Variants in SYN3 observed in about 807,000 individuals in gnomAD.
SYN3 encodes synapsin III.
Under a neutral mutation model 65.8 loss-of-function variants are expected in SYN3, and 35 were observed. The observed-to-expected ratio is 0.53, with a 90% confidence interval of 0.41 to 0.70. SYN3 has a LOEUF of 0.70. Among genes scored for constraint, SYN3 ranks in the 30% least tolerant of loss-of-function variants. The pLI is 0.00. For synonymous variants in SYN3, 270 were observed against 292.9 expected, an observed-to-expected ratio of 0.92 and a Z score of 0.80; for missense variants, 680 against 749.0, an observed-to-expected ratio of 0.91 and a Z score of 1.08.
intron 6 of SYN3, among the ~76,000 whole-genome samples, chr22:32,701,569 G>A (rs1253651014): frequency 1.3e-5 from 2 of 152,162 alleles, no homozygotes; most frequent in African/African-American, 4.8e-5. Context: ...TGAAGCTGAT[G>A]AAGAAAGAGG....
Position 32,980,807 on chromosome 22 carries a change from C to T in SYN3, c.312-105G>A, listed in dbSNP as rs1390610922. On this transcript the variant is annotated intron_variant, in intron 2 of 13. Coordinates refer to ENST00000358763, the MANE Select transcript of SYN3 (RefSeq NM_003490.4). ...AGAGGTGCATATTGAGACACATCCTCAGCCATCCTACTGTCTCCTCCCACC... is the reference window on the plus strand; with the variant it reads ...AGAGGTGCATATTGAGACACATCCTTAGCCATCCTACTGTCTCCTCCCACC... The T allele has an allele frequency of 1.3e-5, 12 of 946,682 alleles. 1 individual carries two copies. The highest frequency in any genetic ancestry group is 4.3e-4 in the Middle Eastern group (2 of 4,664). The allele number at this position is 946,682 out of a possible 1,614,324, so 58.6% of individuals were successfully genotyped here. A position where few individuals can be genotyped will look rare whatever the true frequency, so the allele number is the denominator to read the frequency against.
rs73885111 is a variant in SYN3, at chr22:32,819,704, G to A, written c.711+45211C>T. 3.0e-3 allele frequency among the ~76,000 whole-genome samples: 453 copies of A among 152,240 alleles called. 1 individual carries two copies. Among genetic ancestry groups the A allele is most frequent in the African/African-American group, 0.011 (445 of 41,540 alleles). On this transcript the variant is annotated intron_variant, in intron 6 of 13. Transcript: ENST00000358763. The stretch of plus-strand genomic sequence containing the variant: ...CTGGAGTAAGCACACTCTAGGGGCC[G>A]CGTCTCCCAGCATATCTTTTGTTTT...
chr22:32,837,310 C>T lies in SYN3; in HGVS notation c.711+27605G>A, dbSNP rs1388648109. On this transcript the variant is annotated intron_variant, in intron 6 of 13. Transcript: ENST00000358763. The surrounding 1 kb of genome is among the most constrained non-coding windows in gnomAD (Gnocchi z 4.1). ...GGGCCCCCGTGGAGAGGCTGGAGCACTCTCAGGGGATAGGGGGTGGTCTCA... is the reference window on the plus strand; with the variant it reads ...GGGCCCCCGTGGAGAGGCTGGAGCATTCTCAGGGGATAGGGGGTGGTCTCA... 6.6e-6 allele frequency among the ~76,000 whole-genome samples: 1 copy of T among 152,178 alleles called. No individual in the cohort carries two copies. Among genetic ancestry groups the T allele is most frequent in the Non-Finnish European group, 1.5e-5 (1 of 68,028 alleles).
chr22:32,917,636 T>G (rs1399261145), intron 4 of SYN3, among the ~76,000 whole-genome samples: 1 of 152,192 alleles, frequency 6.6e-6, no homozygotes, highest in Non-Finnish European at 1.5e-5. Context: ...CATGGGAAAG[T>G]GCACAGGGTC....
chr22:32,789,315 C>T (rs1472025686), intron 6 of SYN3, among the ~76,000 whole-genome samples: 1 of 152,180 alleles, frequency 6.6e-6, no homozygotes, highest in Non-Finnish European at 1.5e-5. Flanking sequence ...GATGTGACAT[C>T]AAGGTCTTTT....
intron 4 of SYN3, among the ~76,000 whole-genome samples, chr22:32,903,396 A>G (rs1050051501): frequency 1.3e-5 from 2 of 152,226 alleles, no homozygotes; most frequent in African/African-American, 2.4e-5. Flanking sequence ...TATGTCTTAA[A>G]CATTCAAAAC....
chr22:32,723,872 G>C (rs886210287), intron 6 of SYN3, among the ~76,000 whole-genome samples: 1 of 152,230 alleles, frequency 6.6e-6, no homozygotes, highest in African/African-American at 2.4e-5. Flanking sequence ...GCCGTGCCAC[G>C]TGAGGGGGCC....
chr22:32,689,765 T>C lies in SYN3; in HGVS notation c.712-93029A>G, dbSNP rs1238461959. On this transcript the variant is annotated intron_variant, in intron 6 of 13. Coordinates refer to ENST00000358763, the MANE Select transcript of SYN3 (RefSeq NM_003490.4). ...GGACTGAATGTTTATGCCCTCTCAATAGTCATGCATTTAAGTCCCAGATCC... is the reference window on the plus strand; with the variant it reads ...GGACTGAATGTTTATGCCCTCTCAACAGTCATGCATTTAAGTCCCAGATCC... Among the ~76,000 whole-genome samples the C allele has an allele frequency of 3.3e-5, 5 of 152,212 alleles. No individual in the cohort carries two copies. The East Asian group carries it at 9.7e-4, about 29-fold the overall frequency.
chr22:32,996,684 T>A lies in SYN3; in HGVS notation c.311+9668A>T, dbSNP rs965065942. Among the ~76,000 whole-genome samples the A allele has an allele frequency of 4.6e-5, 7 of 152,342 alleles. No individual in the cohort carries two copies. In the East Asian group the frequency reaches 1.4e-3, roughly 29 times the overall value. On this transcript the variant is annotated intron_variant, in intron 2 of 13. Coordinates refer to ENST00000358763, the MANE Select transcript of SYN3 (RefSeq NM_003490.4). ...AGAATAGAAAAGATCTTGCCTGAGA[T>A]CCCTTGGTGCTTTAAAAAGAGGAAA...
In SYN3 at chr22:32,706,312, C is replaced by A. The variant is rs146772551; in HGVS notation, c.712-109576G>T. Among the ~76,000 whole-genome samples, 1,112 of 151,608 alleles carry A rather than the reference C, an allele frequency of 7.3e-3. 15 individuals are homozygous for A. The highest frequency in any genetic ancestry group is 0.025 in the African/African-American group (1,054 of 41,358). ...ACAAAGAGGAATTTTTCAAAGCAGC[C>A]AGAAAAAAGCGACACCATAAGTACA... is the stretch of plus-strand genomic sequence containing the variant. On this transcript the variant is annotated intron_variant, in intron 6 of 13. Coordinates refer to ENST00000358763, the MANE Select transcript of SYN3 (RefSeq NM_003490.4).
intron 7 of SYN3, among the ~76,000 whole-genome samples, chr22:32,590,390 T>A (rs2146549961): frequency 6.6e-6 from 1 of 152,362 alleles, no homozygotes; most frequent in South Asian, 2.1e-4. Flanking sequence ...GTTCATTAAT[T>A]TTTATTGCTG....
At chr22:32,676,489 A>C (rs1330059381) in intron 6 of SYN3, among the ~76,000 whole-genome samples, 13 of 149,720 alleles carry the variant, frequency 8.7e-5, no homozygotes, top group African/African-American at 2.5e-4. Context: ...GACAAACACC[A>C]ATCATAACAG....
intron 2 of SYN3, among the ~76,000 whole-genome samples, chr22:33,002,737 G>GTA (rs2053096427): frequency 6.6e-6 from 1 of 152,210 alleles, no homozygotes; most frequent in Non-Finnish European, 1.5e-5. Flanking sequence ...GTGAATGAGT[G>GTA]TATATACATG....
intron 6 of SYN3, chr22:32,833,984 T>G (rs1601491255): frequency 1.1e-5 from 5 of 459,940 alleles, no homozygotes; most frequent in Non-Finnish European, 1.7e-5. Context: ...ACCATCCTCC[T>G]GCTTTCTGTG....
chr22:32,549,369 G>A (rs1403497069), intron 7 of SYN3, among the ~76,000 whole-genome samples: 1 of 151,600 alleles, frequency 6.6e-6, no homozygotes, highest in East Asian at 1.9e-4. Context: ...TCCTCCTGCC[G>A]CAGCCTCCCC....
intron 6 of SYN3, chr22:32,857,435 C>T (rs550061642): frequency 2.0e-5 from 22 of 1,112,428 alleles, no homozygotes; most frequent in Middle Eastern, 2.6e-4. Flanking sequence ...AGAACACATA[C>T]GGAGTAGTTG....
At chr22:32,880,723 G>T (rs1290427423) in intron 4 of SYN3, among the ~76,000 whole-genome samples, 1 of 152,214 alleles carries the variant, frequency 6.6e-6, no homozygotes, top group Non-Finnish European at 1.5e-5. Flanking sequence ...AGCCCATTTT[G>T]CAGATGAGGA....
chr22:32,689,294 A>T (rs2060632809), intron 6 of SYN3, among the ~76,000 whole-genome samples: 4 of 152,350 alleles, frequency 2.6e-5, no homozygotes, highest in African/African-American at 9.6e-5. Flanking sequence ...CATTGGAGCC[A>T]GACAGACCTG....
In SYN3 at chr22:32,857,256, G is replaced by A. The variant is rs1230937548; in HGVS notation, c.711+7659C>T. On this transcript the variant is annotated intron_variant, in intron 6 of 13. Transcript: ENST00000358763. ...TGTTCCTTTTGCCCACAGATGTACC[G>A]AGGCTTCACCAAGATGCCCCATGTG... 3.1e-6 allele frequency: 5 copies of A among 1,613,732 alleles called. No homozygotes were observed. In the South Asian group the frequency reaches 3.3e-5, roughly 11 times the overall value.
Sources: gnomAD v4.1 joint callset for allele counts (sites outside exome capture counted in the v4.1 genomes callset) on GRCh38, gnomAD v4.1.1 for gene constraint, Gnocchi (gnomAD v3.1) non-coding constraint, MANE v1.5 for transcripts, NCBI Gene and HGNC (gene_info 2026-07-23, HGNC 2026-07-21) for gene names.